Variants in ZBTB40 observed in about 807,000 individuals in gnomAD.
ZBTB40 encodes the protein zinc finger and BTB domain containing 40.
Under a neutral mutation model 117.5 loss-of-function variants are expected in ZBTB40, and 60 were observed. The ratio of observed to expected loss-of-function variants is 0.51; its 90% CI spans 0.41 to 0.63. The LOEUF (loss-of-function observed/expected upper bound fraction) is 0.63, where lower values mean the gene tolerates loss of function less well. Among genes scored for constraint, ZBTB40 ranks in the 30% least tolerant of loss-of-function variants. The pLI is 0.00. For synonymous variants in ZBTB40, 525 were observed against 577.1 expected, an observed-to-expected ratio of 0.91 and a Z score of 1.29; for missense variants, 1,287 against 1,498.5, an observed-to-expected ratio of 0.86 and a Z score of 2.33.
Position 22,527,979 on chromosome 1 carries a change from T to C in ZBTB40, c.*1583T>C, listed in dbSNP as rs549172705. 2.6e-5 allele frequency: 4 copies of C among 152,744 alleles called. No homozygotes were observed. Among genetic ancestry groups the C allele is most frequent in the African/African-American group, 7.2e-5 (3 of 41,584 alleles). The allele number at this position is 152,744 out of a possible 1,614,324, so 9.5% of individuals were successfully genotyped here. On this transcript the variant is annotated 3_prime_UTR_variant, in exon 18 of 18. Coordinates refer to ENST00000375647, the MANE Select transcript of ZBTB40 (RefSeq NM_014870.4). ...GCTTCTGGTCCTGTCCACATTTTGA[T>C]ACGCAGATCACTTGAGCTTGTCAAT...
intron 13 of ZBTB40, chr1:22,519,775 T>A: frequency 2.2e-5 from 10 of 458,702 alleles, no homozygotes; most frequent in Admixed American, 3.4e-5. Context: ...AAGTGTAATT[T>A]AACTTGAAAG....
chr1:22,467,776 GTTTTT>G (rs35900750), intron 1 of ZBTB40, among the ~76,000 whole-genome samples: 5 of 130,478 alleles, frequency 3.8e-5, no homozygotes, highest in Non-Finnish European at 6.4e-5. Flanking sequence ...TGTCAGGCCT[GTTTTT>G]TTTTTTTTTT....
chr1:22,484,564 G>C (rs1638414182), intron 1 of ZBTB40, among the ~76,000 whole-genome samples: 1 of 152,036 alleles, frequency 6.6e-6, no homozygotes, highest in African/African-American at 2.4e-5. Flanking sequence ...TTAATTTTCT[G>C]TAAAGACAAT....
Position 22,527,046 on chromosome 1 carries a change from G to C in ZBTB40, c.*650G>C, listed in dbSNP as rs1639698532. On this transcript the variant is annotated 3_prime_UTR_variant, in exon 18 of 18. Transcript: ENST00000375647. ...CCTGATAACCCCTTGTCAGTTGTCA[G>C]CTCTTCCCAAAACAAAGCTCTGGAG... 6.4e-6 allele frequency: 1 copy of C among 157,178 alleles called. No individual in the cohort carries two copies. The allele number at this position is 157,178 out of a possible 1,614,324, so 9.7% of individuals were successfully genotyped here.
At chr1:22,445,898 C>T (rs575836089) in intron 1 of ZBTB40, among the ~76,000 whole-genome samples, 2 of 149,450 alleles carry the variant, frequency 1.3e-5, no homozygotes, top group South Asian at 2.1e-4. Flanking sequence ...TACAACACAA[C>T]AACATATGAT....
chr1:22,490,398 A>G lies in ZBTB40; in HGVS notation c.450A>G (p.Ser150=). ...EPEKPQVEIL[S]SEGAGEPHSS... is the part of the protein sequence containing the mutation. ...AGAAGCCTCAAGTAGAAATCCTTTC[A>G]TCTGAAGGTGCTGGAGAGCCTCATT... The change falls in exon 2 of 18, where the codon TCA becomes TCG. Residue 150 remains serine (S), a synonymous_variant. Coordinates refer to ENST00000375647, the MANE Select transcript of ZBTB40 (RefSeq NM_014870.4). The G allele has an allele frequency of 6.2e-7, 1 of 1,613,462 alleles. No individual in the cohort carries two copies. Among genetic ancestry groups the G allele is most frequent in the Non-Finnish European group, 8.5e-7 (1 of 1,179,506 alleles).
chr1:22,490,155 G>A lies in ZBTB40; in HGVS notation c.207G>A (p.Glu69=), dbSNP rs1202970716. The change falls in exon 2 of 18, where the codon GAG becomes GAA. Residue 69 remains glutamate (E), a synonymous_variant. Transcript: ENST00000375647. ...TCGATGCATCTGTGGTGAGCCCCGA[G>A]GAGTTTGCGCTCTTGTTGGAAATGA... ...ISIDASVVSP[E]EFALLLEMMY... 2 of 1,614,184 alleles carry A rather than the reference G, an allele frequency of 1.2e-6. No homozygotes were observed. Among genetic ancestry groups the A allele is most frequent in the South Asian group, 2.2e-5 (2 of 91,082 alleles).
intron 1 of ZBTB40, among the ~76,000 whole-genome samples, chr1:22,471,568 G>C (rs1641404316): frequency 6.6e-6 from 1 of 152,208 alleles, no homozygotes; most frequent in Admixed American, 6.5e-5. Flanking sequence ...GAAAGTGTGT[G>C]GAACGTGCTT....
intron 8 of ZBTB40, 33 bp from the exon 9 acceptor site, chr1:22,509,067 G>C (rs1201310689): frequency 1.2e-6 from 2 of 1,614,062 alleles, no homozygotes; most frequent in Admixed American, 3.3e-5. Flanking sequence ...CTCATTGTTT[G>C]CCTAATGAGT....
In ZBTB40 at chr1:22,511,305, T is replaced by C. The variant is rs1639225436; in HGVS notation, c.1960T>C (p.Phe654Leu). 1.9e-6 allele frequency: 3 copies of C among 1,614,126 alleles called. No individual in the cohort carries two copies. Among genetic ancestry groups the C allele is most frequent in the Middle Eastern group, 1.7e-4 (1 of 6,050 alleles). ...CHLLCSVHKS[F>L]PGLQPVMQEL... ...CCTCCTGTGCAGTGTCCACAAATCT[T>C]TTCCAGGCCTGCAGCCTGTCATGCA... Residue 654 changes from phenylalanine (F) to leucine (L), a missense_variant, in exon 10 of 18, where the codon TTT becomes CTT. This residue lies in a region of ZBTB40 where 870 missense variants were observed against 934.4 expected (regional missense o/e 0.93). Transcript: ENST00000375647.
chr1:22,516,640 G>A (rs1201653818), intron 12 of ZBTB40, among the ~76,000 whole-genome samples: 1 of 152,128 alleles, frequency 6.6e-6, no homozygotes, highest in Non-Finnish European at 1.5e-5. Flanking sequence ...CTGGGATCCG[G>A]GGTTCTGGTG....
intron 1 of ZBTB40, among the ~76,000 whole-genome samples, chr1:22,444,830 C>T (rs993847660): frequency 3.3e-5 from 5 of 152,180 alleles, no homozygotes; most frequent in African/African-American, 7.2e-5. Flanking sequence ...TCAAGTCACC[C>T]GCTTGGTCCT....
intron 1 of ZBTB40, among the ~76,000 whole-genome samples, chr1:22,489,116 G>C (rs911626545): frequency 8.5e-5 from 13 of 152,218 alleles, no homozygotes; most frequent in African/African-American, 3.1e-4. Context: ...CCAGGTTCCA[G>C]TTGGAGATGT....
At chr1:22,451,060 T>C (rs1640858151), upstream of ZBTB40, among the ~76,000 whole-genome samples, 1 of 152,076 alleles carries the variant, frequency 6.6e-6, no homozygotes, top group Admixed American at 6.5e-5. Flanking sequence ...ACGCATAGTG[T>C]GTGAGAAGGA....
At position 22,508,523 on chromosome 1, in the gene ZBTB40, C is replaced by G; in HGVS notation, c.1498-7C>G. ...TCTTACGTGAGTGTTTGTGTTACAT[C>G]TTGAAGGTCATGGAGAAGCTTGTGA... On this transcript the variant is annotated splice_polypyrimidine_tract_variant and splice_region_variant and intron_variant, in intron 7 of 17. Transcript: ENST00000375647. 2 of 1,614,178 alleles carry G rather than the reference C, an allele frequency of 1.2e-6. No homozygotes were observed. Among genetic ancestry groups the G allele is most frequent in the Non-Finnish European group, 1.7e-6 (2 of 1,180,022 alleles).
In ZBTB40 at chr1:22,520,204, CTGGAGCGGCACG is replaced by C; in HGVS notation, c.2981_2992del (p.Glu994_Val997del). 1 of 1,614,090 alleles carries C rather than the reference CTGGAGCGGCACG, an allele frequency of 6.2e-7. No individual in the cohort carries two copies. Among genetic ancestry groups the C allele is most frequent in the Non-Finnish European group, 8.5e-7 (1 of 1,179,986 alleles). ...GAAGATCTTCAGTGCCCCGTCCATG[CTGGAGCGGCACG>C]TGGTGACCCACGTTGGAGGGAAGCC... is the stretch of plus-strand genomic sequence containing the variant. On this transcript the variant is annotated inframe_deletion, in exon 14 of 18. Transcript: ENST00000375647.
Position 22,460,556 on chromosome 1 carries a change from T to A in ZBTB40, c.-70+8552T>A, listed in dbSNP as rs1641106977. ...CACAACAACTAAGCAATAGGTATTA[T>A]TACTGCCGTTTCTAAAAATTAAGAA... On this transcript the variant is annotated intron_variant, in intron 1 of 17. Transcript: ENST00000375647. 2.0e-5 allele frequency among the ~76,000 whole-genome samples: 3 copies of A among 152,294 alleles called. No individual in the cohort carries two copies. The South Asian group carries it at 6.2e-4, about 32-fold the overall frequency.
rs146015625 is a variant in ZBTB40 at position 22,518,022 on chromosome 1, G to A, written c.2833+558G>A. ...AGAAACACACTTTTATTCGGCATGC[G>A]TGCATGCGTGGGCACACACACATAT... On this transcript the variant is annotated intron_variant, in intron 13 of 17. Transcript: ENST00000375647. Among the ~76,000 whole-genome samples the A allele has an allele frequency of 9.6e-4, 146 of 152,254 alleles. 3 individuals are homozygous for A. The East Asian group carries it at 0.024, about 25-fold the overall frequency.
At chr1:22,502,262 A>G in intron 4 of ZBTB40, 37 bp from the exon 5 acceptor site, 1 of 1,602,656 alleles carries the variant, frequency 6.2e-7, no homozygotes, top group Admixed American at 1.7e-5. Flanking sequence ...CAAATTGACT[A>G]GCTTCTCTTG....
Sources: gnomAD v4.1 joint callset for allele counts (sites outside exome capture counted in the v4.1 genomes callset) on GRCh38, gnomAD v4.1.1 for gene constraint, gnomAD v4.1.1 regional missense constraint, MANE v1.5 for transcripts, NCBI Gene and HGNC (gene_info 2026-07-23, HGNC 2026-07-21) for gene names.